FANCC: variants seen among roughly 807,000 people sequenced by gnomAD.
FANCC encodes Fanconi anemia group C protein.
In FANCC, 55 loss-of-function variants were observed where a neutral mutation model predicts 71.3. The observed-to-expected ratio is 0.77, with a 90% CI of 0.62 to 0.97. FANCC has a LOEUF of 0.97. Among genes scored for constraint, FANCC ranks in the 50% least tolerant of loss-of-function variants. The pLI, the probability that FANCC is intolerant of heterozygous loss-of-function variation, is 0.00. For missense variants in FANCC, 678 were observed against 670.9 expected, an observed-to-expected ratio of 1.01 and a Z score of -0.12; for synonymous variants, 275 against 244.9, an observed-to-expected ratio of 1.12 and a Z score of -1.15.
intron 6 of FANCC, among the ~76,000 whole-genome samples, chr9:95,150,744 A>G (rs640628): frequency 0.71 from 107,622 of 152,046 alleles, 38,982 homozygotes; most frequent in East Asian, 0.91. Flanking sequence ...GTGGGTCCCC[A>G]TCTGTTTCAC....
At chr9:95,182,012 G>A (rs1350740424) in intron 4 of FANCC, among the ~76,000 whole-genome samples, 1 of 152,180 alleles carries the variant, frequency 6.6e-6, no homozygotes, top group Non-Finnish European at 1.5e-5. Context: ...ATGGGTTGTG[G>A]CTTGGAACAT....
At chr9:95,277,811 CA>C (rs1462599321) in intron 1 of FANCC, among the ~76,000 whole-genome samples, 1 of 152,104 alleles carries the variant, frequency 6.6e-6, no homozygotes, top group Non-Finnish European at 1.5e-5. Flanking sequence ...CCATATCCCC[CA>C]AAACTACCTT....
rs869093626 is a variant in FANCC, at chr9:95,271,927, C to CTTTTTTTTTTTTTTTTTTTTTTTTTTTT, written c.-78-22559_-78-22558insAAAAAAAAAAAAAAAAAAAAAAAAAAAA. ...TTCCATCAATCCCATCAAGCCTCTT[C>CTTTTTTTTTTTTTTTTTTTTTTTTTTTT]TTTTTTTTTTTTTTTTTTTTTTTTT... On this transcript the variant is annotated intron_variant, in intron 1 of 14. Coordinates refer to ENST00000289081, the MANE Select transcript of FANCC (RefSeq NM_000136.3). 5.1e-4 allele frequency among the ~76,000 whole-genome samples: 26 copies of CTTTTTTTTTTTTTTTTTTTTTTTTTTTT among 50,510 alleles called. 11 individuals carry two copies. Among genetic ancestry groups the CTTTTTTTTTTTTTTTTTTTTTTTTTTTT allele is most frequent in the Non-Finnish European group, 8.3e-4 (23 of 27,712 alleles). The allele number at this position is 50,510 out of a possible 152,430, so 33.1% of individuals were successfully genotyped here. A position where few individuals can be genotyped will look rare whatever the true frequency, so the allele number is the denominator to read the frequency against.
At chr9:95,254,855 G>GT (rs891659602) in intron 1 of FANCC, among the ~76,000 whole-genome samples, 12 of 152,306 alleles carry the variant, frequency 7.9e-5, no homozygotes, top group Non-Finnish European at 1.2e-4. Context: ...CAGCACAGCA[G>GT]TCTGAAGTCA....
rs368830981 is a variant in FANCC, at chr9:95,125,204, G to A, written c.897-19C>T. 95 of 1,593,188 alleles carry A rather than the reference G, an allele frequency of 6.0e-5. No individual in the cohort carries two copies. The highest frequency in any genetic ancestry group is 7.6e-5 in the Non-Finnish European group (88 of 1,160,976). On this transcript the variant is annotated intron_variant, in intron 9 of 14. Transcript: ENST00000289081. Reference sequence around the variant, plus strand: ...TGCACACCTGAACAATGCAAAGTCAGATCAGAACACGTTTAACAAGTAATC... The same window carrying A: ...TGCACACCTGAACAATGCAAAGTCAAATCAGAACACGTTTAACAAGTAATC...
intron 10 of FANCC, among the ~76,000 whole-genome samples, chr9:95,117,949 C>T (rs1371639680): frequency 5.9e-5 from 9 of 151,274 alleles, no homozygotes; most frequent in East Asian, 1.9e-4. Flanking sequence ...CTCGAACTCC[C>T]GACCTCAGGT....
intron 1 of FANCC, among the ~76,000 whole-genome samples, chr9:95,254,558 G>A (rs529576347): frequency 2.2e-4 from 34 of 152,336 alleles, no homozygotes; most frequent in African/African-American, 7.2e-4. Flanking sequence ...CAGACACTAC[G>A]CTTTTCCCAT....
At position 95,125,121 on chromosome 9, in the gene FANCC, A is replaced by G; in HGVS notation, c.961T>C (p.Cys321Arg). 6.2e-7 allele frequency: 1 copy of G among 1,614,258 alleles called. No individual in the cohort carries two copies. Among genetic ancestry groups the G allele is most frequent in the Non-Finnish European group, 8.5e-7 (1 of 1,180,040 alleles). The part of the protein sequence containing the change: ...IIATIQVFTQ[C>R]FVEALEKASK... Reference sequence around the variant, plus strand: ...GCTTTCTCCAGAGCTTCTACAAAGCACTGCGTAAACACCTGAATAGTGGCT... The same window carrying G: ...GCTTTCTCCAGAGCTTCTACAAAGCGCTGCGTAAACACCTGAATAGTGGCT... The change falls in exon 10 of 15, where the codon TGC becomes CGC. Residue 321 changes from cysteine (C) to arginine (R), a missense_variant. Physicochemically the swap from Cys to Arg is radical, Grantham distance 180. Coordinates refer to ENST00000289081, the MANE Select transcript of FANCC (RefSeq NM_000136.3).
At chr9:95,245,077 T>G (rs1050834735) in intron 3 of FANCC, among the ~76,000 whole-genome samples, 6 of 152,210 alleles carry the variant, frequency 3.9e-5, no homozygotes, top group African/African-American at 1.4e-4. Flanking sequence ...GAGGATGTAT[T>G]ACATCCACGA....
At chr9:95,280,047 C>T (rs1304627549) in intron 1 of FANCC, among the ~76,000 whole-genome samples, 1 of 150,468 alleles carries the variant, frequency 6.6e-6, no homozygotes, top group East Asian at 1.9e-4. Context: ...AGAAGACACA[C>T]TTTAGAGTGA....
Position 95,107,117 on chromosome 9 carries a change from G to C in FANCC, c.1482C>G (p.Phe494Leu), listed in dbSNP as rs200423281. Reference protein sequence around the residue: ...QQLIRHLLLNFLLWAPGGHTI... With the variant: ...QQLIRHLLLNLLLWAPGGHTI... ...TGTGGCCTCCAGGAGCCCAGAGCAG[G>C]AAGTTGAGGAGAAGGTGCCTGATCA... The change falls in exon 14 of 15, where the codon TTC (phenylalanine) becomes TTG (leucine). Residue 494 changes from phenylalanine (F) to leucine (L), a missense_variant. By Grantham distance (22) the Phe-to-Leu change is conservative. Coordinates refer to ENST00000289081, the MANE Select transcript of FANCC (RefSeq NM_000136.3). The C allele has an allele frequency of 1.2e-6, 2 of 1,614,240 alleles. No homozygotes were observed. The highest frequency in any genetic ancestry group is 4.5e-5 in the East Asian group (2 of 44,890).
At chr9:95,201,252 T>C (rs534302233) in intron 4 of FANCC, among the ~76,000 whole-genome samples, 4 of 152,046 alleles carry the variant, frequency 2.6e-5, no homozygotes, top group African/African-American at 9.6e-5. Context: ...AGCATACACA[T>C]AGCACACACC....
chr9:95,150,365 C>T (rs1830109849), intron 6 of FANCC, among the ~76,000 whole-genome samples: 1 of 152,202 alleles, frequency 6.6e-6, no homozygotes, highest in Admixed American at 6.5e-5. Flanking sequence ...CTCCTGAATT[C>T]CCTTCCCAGT....
chr9:95,123,882 T>TA (rs1368170344), intron 10 of FANCC: 3 of 536,318 alleles, frequency 5.6e-6, no homozygotes, highest in Non-Finnish European at 1.1e-5. Flanking sequence ...GTTGAGTCCT[T>TA]AAAGTCTGAA....
chr9:95,233,917 G>A (rs1022235962), intron 4 of FANCC, among the ~76,000 whole-genome samples: 2 of 152,220 alleles, frequency 1.3e-5, no homozygotes, highest in Admixed American at 6.5e-5. Context: ...GACCCTGAGG[G>A]AAGGGTGGGG....
At chr9:95,108,703 AAAG>A (rs1306768824) in intron 13 of FANCC, among the ~76,000 whole-genome samples, 1 of 152,256 alleles carries the variant, frequency 6.6e-6, no homozygotes, top group African/African-American at 2.4e-5. Flanking sequence ...GAAAAGAGAA[AAAG>A]AAGAACCATT....
intron 6 of FANCC, among the ~76,000 whole-genome samples, chr9:95,170,693 A>C (rs1401229960): frequency 1.2e-5 from 1 of 82,362 alleles, no homozygotes; most frequent in Non-Finnish European, 2.8e-5. Flanking sequence ...GAGCAGAAGA[A>C]GGCAGAGCCA....
At chr9:95,257,267 C>T (rs1224387780) in intron 1 of FANCC, among the ~76,000 whole-genome samples, 2 of 152,176 alleles carry the variant, frequency 1.3e-5, no homozygotes, top group African/African-American at 4.8e-5. Context: ...TCTGTTAAAA[C>T]TGACCACATA....
chr9:95,113,263 T>C (rs749503228), intron 12 of FANCC, among the ~76,000 whole-genome samples: 3 of 152,194 alleles, frequency 2.0e-5, no homozygotes, highest in African/African-American at 4.8e-5. Context: ...GAGCTGGACA[T>C]AGGTGTGTCA....
Sources: gnomAD v4.1 joint callset for allele counts (sites outside exome capture counted in the v4.1 genomes callset) on GRCh38, gnomAD v4.1.1 for gene constraint, MANE v1.5 for transcripts, NCBI Gene and HGNC (gene_info 2026-07-23, HGNC 2026-07-21) for gene names.